SIRT1: variants seen among roughly 807,000 people sequenced by gnomAD.
SIRT1 encodes the protein sirtuin 1.
Under a neutral mutation model 67.9 loss-of-function variants are expected in SIRT1, and 24 were observed. That is an observed-to-expected ratio of 0.35 (90% CI 0.26 to 0.50). SIRT1 has a LOEUF of 0.50. Among genes scored for constraint, SIRT1 ranks in the 20% least tolerant of loss-of-function variants. The pLI is 0.98. For missense variants in SIRT1, 873 were observed against 937.2 expected, an observed-to-expected ratio of 0.93 and a Z score of 0.89; for synonymous variants, 378 against 350.7, an observed-to-expected ratio of 1.08 and a Z score of -0.87.
intron 5 of SIRT1, among the ~76,000 whole-genome samples, chr10:67,907,565 T>C (rs1016121962): frequency 6.6e-6 from 1 of 151,226 alleles, no homozygotes; most frequent in Admixed American, 6.6e-5. Flanking sequence ...AAATGTGACA[T>C]CTTTAGTTTA....
chr10:67,912,455 A>G lies in SIRT1; in HGVS notation c.1358-19A>G. ...TTCCTCCTCCCTTTTTCTAACTCTT[A>G]TTTTTCACCCTATTTTAGGTTCCAT... On this transcript the variant is annotated intron_variant, in intron 7 of 8. Transcript: ENST00000212015. The G allele has an allele frequency of 2.6e-6, 4 of 1,564,198 alleles. No homozygotes were observed. The highest frequency in any genetic ancestry group is 3.5e-6 in the Non-Finnish European group (4 of 1,159,370).
chr10:67,899,003 T>A (rs1032274561), intron 4 of SIRT1, among the ~76,000 whole-genome samples: 1 of 152,216 alleles, frequency 6.6e-6, no homozygotes, highest in Non-Finnish European at 1.5e-5. Flanking sequence ...ATAGTGTTGC[T>A]ACAGTTGTCC....
chr10:67,884,690 C>A lies in SIRT1; in HGVS notation c.-32C>A, dbSNP rs199849139. 8.4e-4 allele frequency: 1,031 copies of A among 1,226,996 alleles called. 6 individuals carry two copies. The African/African-American group carries it at 0.015, about 17-fold the overall frequency. 76.0% of individuals were successfully genotyped at this position (1,226,996 alleles called of 1,614,324 possible). A position where few individuals can be genotyped will look rare whatever the true frequency, so the allele number is the denominator to read the frequency against. ...GCGCGTCGAGCGGGAGCAGAGGAGG[C>A]GAGGGAGGAGGGCCAGAGAGGCAGT... is the stretch of plus-strand genomic sequence containing the variant. On this transcript the variant is annotated 5_prime_UTR_variant, in exon 1 of 9. Transcript: ENST00000212015.
chr10:67,890,935 C>T (rs1480867645), intron 3 of SIRT1, among the ~76,000 whole-genome samples: 1 of 147,444 alleles, frequency 6.8e-6, no homozygotes, highest in Non-Finnish European at 1.5e-5. Flanking sequence ...TAGGCTAAGG[C>T]AGGAGAATGG....
intron 8 of SIRT1, among the ~76,000 whole-genome samples, chr10:67,913,668 T>C (rs1367483950): frequency 6.6e-6 from 1 of 152,242 alleles, no homozygotes; most frequent in Non-Finnish European, 1.5e-5. Context: ...TTCTACTCTT[T>C]GGAAGCCGAT....
rs36062014 is a variant in SIRT1, at chr10:67,885,122, AGGCGGC to A, written c.412_417del (p.Ala138_Ala139del). The A allele has an allele frequency of 2.1e-6, 3 of 1,436,890 alleles. No individual in the cohort carries two copies. Among genetic ancestry groups the A allele is most frequent in the African/African-American group, 1.5e-5 (1 of 66,658 alleles). The allele number at this position is 1,436,890 out of a possible 1,614,324, so 89.0% of individuals were successfully genotyped here. The stretch of plus-strand genomic sequence containing the variant: ...GACGACGAGGGCGAGGAGGAGGAAG[AGGCGGC>A]GGCGGCGGCGATTGGGTACCGAGGT... On this transcript the variant is annotated inframe_deletion, in exon 1 of 9. Coordinates refer to ENST00000212015, the MANE Select transcript of SIRT1 (RefSeq NM_012238.5).
At position 67,906,805 on chromosome 10, in the gene SIRT1, C is replaced by G. The variant is rs772390347; in HGVS notation, c.958C>G (p.Gln320Glu). The G allele has an allele frequency of 6.2e-7, 1 of 1,612,194 alleles. No homozygotes were observed. The highest frequency in any genetic ancestry group is 8.5e-7 in the Non-Finnish European group (1 of 1,179,396). ...CTTGATACAGGAAATATATCCTGGA[C>G]AATTCCAGCCATCTCTCTGTCACAA... ...FKFAKEIYPG[Q>E]FQPSLCHKFI... is the part of the protein sequence containing the mutation. The change falls in exon 5 of 9, where the codon CAA (glutamine) becomes GAA (glutamate). Residue 320 changes from glutamine (Q) to glutamate (E), a missense_variant. By Grantham distance (29) the Gln-to-Glu change is conservative. This residue lies in a region of SIRT1 where 251 missense variants were observed against 358.8 expected (regional missense o/e 0.70). Transcript: ENST00000212015.
In SIRT1 at chr10:67,912,747, C is replaced by G. The variant is rs777098039; in HGVS notation, c.1631C>G (p.Thr544Ser). ...GAAGACTCAAGTTCACCAGAAAGAA[C>G]TTCACCACCAGATTCTTCAGTGATT... ...VSEDSSSPERTSPPDSSVIVT... is the reference protein window; with the variant it reads ...VSEDSSSPERSSPPDSSVIVT... Residue 544 changes from threonine (T) to serine (S), a missense_variant, in exon 8 of 9, where the codon ACT becomes AGT. Coordinates refer to ENST00000212015, the MANE Select transcript of SIRT1 (RefSeq NM_012238.5). The G allele has an allele frequency of 1.2e-6, 2 of 1,614,150 alleles. No individual in the cohort carries two copies. The highest frequency in any genetic ancestry group is 2.2e-5 in the South Asian group (2 of 91,088).
chr10:67,910,535 T>C (rs755707155), intron 7 of SIRT1, among the ~76,000 whole-genome samples: 22 of 152,346 alleles, frequency 1.4e-4, no homozygotes, highest in Middle Eastern at 3.4e-3. Context: ...CCTTTATCCT[T>C]ATATTTTTTG....
intron 3 of SIRT1, among the ~76,000 whole-genome samples, chr10:67,891,069 C>T (rs779822892): frequency 1.3e-4 from 20 of 151,774 alleles, no homozygotes; most frequent in Non-Finnish European, 2.5e-4. Flanking sequence ...AAAATTCTTC[C>T]CTACTTAAAA....
chr10:67,916,126 T>C, intron 8 of SIRT1, 139 bp from the exon 9 acceptor site: 1 of 730,706 alleles, frequency 1.4e-6, no homozygotes, highest in Non-Finnish European at 2.1e-6. Context: ...GCCTCCCAGT[T>C]GTTTTTAAAC....
rs1444358191 is a variant in SIRT1, at chr10:67,897,583, C to T, written c.942+6029C>T. On this transcript the variant is annotated intron_variant, in intron 4 of 8. Coordinates refer to ENST00000212015, the MANE Select transcript of SIRT1 (RefSeq NM_012238.5). ...TTCACCATATTGGCCAGGCTGGTCTCGAACTCTTGACCTTGTGATTCACCC... is the reference window on the plus strand; with the variant it reads ...TTCACCATATTGGCCAGGCTGGTCTTGAACTCTTGACCTTGTGATTCACCC... Among the ~76,000 whole-genome samples, 4 of 151,988 alleles carry T rather than the reference C, an allele frequency of 2.6e-5. No homozygotes were observed. In the South Asian group the frequency reaches 6.2e-4, roughly 24 times the overall value.
At chr10:67,913,086 A>C in intron 8 of SIRT1, 55 bp downstream of exon 8, 1 of 1,523,058 alleles carries the variant, frequency 6.6e-7, no homozygotes, top group Non-Finnish European at 8.8e-7. Context: ...CAGTATTTCC[A>C]AAAAATTAGC....
At position 67,912,793 on chromosome 10, in the gene SIRT1, A is replaced by G; in HGVS notation, c.1677A>G (p.Ala559=). The part of the protein sequence containing the change: ...SSVIVTLLDQ[A]AKSNDDLDVS... ...TGATTGTCACACTTTTAGACCAAGC[A>G]GCTAAGAGTAATGATGATTTAGATG... Residue 559 remains alanine (A), a synonymous_variant, in exon 8 of 9, where the codon GCA becomes GCG. Coordinates refer to ENST00000212015, the MANE Select transcript of SIRT1 (RefSeq NM_012238.5). 2.5e-6 allele frequency: 4 copies of G among 1,614,194 alleles called. No homozygotes were observed. The highest frequency in any genetic ancestry group is 3.4e-6 in the Non-Finnish European group (4 of 1,180,036).
Position 67,912,574 on chromosome 10 carries a change from T to G in SIRT1, c.1458T>G (p.Ile486Met). The change falls in exon 8 of 9, where the codon ATT (isoleucine) becomes ATG (methionine). Residue 486 changes from isoleucine to methionine, a missense_variant. Ile to Met is a conservative substitution (Grantham distance 10, BLOSUM62 1). Coordinates refer to ENST00000212015, the MANE Select transcript of SIRT1 (RefSeq NM_012238.5). Reference protein sequence around the residue: ...VELLGDCDVIINELCHRLGGE... With the variant: ...VELLGDCDVIMNELCHRLGGE... ...TTCTTGGAGACTGTGATGTCATAAT[T>G]AATGAATTGTGTCATAGGTTAGGTG... The G allele has an allele frequency of 6.2e-7, 1 of 1,614,140 alleles. No individual in the cohort carries two copies. Among genetic ancestry groups the G allele is most frequent in the Non-Finnish European group, 8.5e-7 (1 of 1,180,026 alleles).
chr10:67,899,495 AG>A (rs1178702357), intron 4 of SIRT1, among the ~76,000 whole-genome samples: 1 of 151,930 alleles, frequency 6.6e-6, no homozygotes, highest in Non-Finnish European at 1.5e-5. Flanking sequence ...GAAATCATTC[AG>A]GGGGAAAAAA....
rs1400283204 is a variant in SIRT1, at chr10:67,917,546, A to G, written c.*953A>G. Reference sequence around the variant, plus strand: ...TATAATAATGGTACTTCTACTGGGGAGAGTGTAATATTTTGGACTGCTGTT... The same window carrying G: ...TATAATAATGGTACTTCTACTGGGGGGAGTGTAATATTTTGGACTGCTGTT... On this transcript the variant is annotated 3_prime_UTR_variant, in exon 9 of 9. Transcript: ENST00000212015. 6.6e-6 allele frequency: 1 copy of G among 152,588 alleles called. No individual in the cohort carries two copies. The highest frequency in any genetic ancestry group is 1.5e-5 in the Non-Finnish European group (1 of 68,032). 9.5% of individuals were successfully genotyped at this position (152,588 alleles called of 1,614,324 possible). A position where few individuals can be genotyped will look rare whatever the true frequency, so the allele number is the denominator to read the frequency against.
chr10:67,885,941 C>CTTTTTTT (rs766544980), intron 1 of SIRT1, among the ~76,000 whole-genome samples: 5 of 95,560 alleles, frequency 5.2e-5, no homozygotes, highest in Non-Finnish European at 7.9e-5. Flanking sequence ...TTGAAGGTTT[C>CTTTTTTT]TTTTTTTTTT....
intron 2 of SIRT1, among the ~76,000 whole-genome samples, chr10:67,887,783 T>G (rs1417604938): frequency 1.3e-5 from 2 of 152,072 alleles, no homozygotes; most frequent in Non-Finnish European, 2.9e-5. Flanking sequence ...TCCATGTTGG[T>G]CAGGCTGGTC....
Sources: allele counts gnomAD v4.1 joint callset (sites outside exome capture counted in the v4.1 genomes callset), GRCh38; gene constraint gnomAD v4.1.1; regional missense constraint gnomAD v4.1.1; transcripts MANE v1.5; gene names NCBI Gene and HGNC (gene_info 2026-07-23, HGNC 2026-07-21).